The following ZFP14 variants were observed in gnomAD, a reference collection of about 807,000 sequenced individuals.
The protein encoded by ZFP14 is zinc finger protein 14 homolog.
ZFP14 carries 22 observed loss-of-function variants against 54.5 expected under a neutral mutation model. That is an observed-to-expected ratio of 0.40 (90% CI 0.29 to 0.58). The LOEUF is 0.58. Ranked by LOEUF, ZFP14 falls within the 20% of genes least tolerant of loss-of-function variation. ZFP14 has a pLI of 0.39. For synonymous variants in ZFP14, 159 were observed against 204.0 expected, an observed-to-expected ratio of 0.78 and a Z score of 1.88; for missense variants, 470 against 637.8, an observed-to-expected ratio of 0.74 and a Z score of 2.83.
chr19:36,358,293 T>C (rs1262561412), intron 4 of ZFP14, among the ~76,000 whole-genome samples: 1 of 151,842 alleles, frequency 6.6e-6, no homozygotes, highest in Non-Finnish European at 1.5e-5. Context: ...GTATTTTTAG[T>C]AGAGACGGGG....
At chr19:36,345,402 T>C (rs574453395) in intron 4 of ZFP14, among the ~76,000 whole-genome samples, 18 of 152,224 alleles carry the variant, frequency 1.2e-4, no homozygotes, top group African/African-American at 4.1e-4. Flanking sequence ...CAAAAGGTCA[T>C]GGTAAATGTC....
At chr19:36,371,579 T>G (rs748410367) in intron 1 of ZFP14, among the ~76,000 whole-genome samples, 1 of 151,964 alleles carries the variant, frequency 6.6e-6, no homozygotes, top group Non-Finnish European at 1.5e-5. Context: ...GTTTATAGGA[T>G]TCATGGGACA....
intron 4 of ZFP14, among the ~76,000 whole-genome samples, chr19:36,345,344 T>C (rs534646518): frequency 1.1e-3 from 173 of 152,296 alleles, no homozygotes; most frequent in African/African-American, 3.9e-3. Context: ...GCAACTAAAG[T>C]ATTTTTTTTC....
rs2145533404 is a variant in ZFP14, at chr19:36,335,761, T to C, written c.*4463A>G. 6.6e-6 allele frequency: 1 copy of C among 152,210 alleles called. No homozygotes were observed. The highest frequency in any genetic ancestry group is 2.1e-4 in the South Asian group (1 of 4,804). The allele number at this position is 152,210 out of a possible 1,614,324, so 9.4% of individuals were successfully genotyped here. On this transcript the variant is annotated 3_prime_UTR_variant, in exon 5 of 5. Transcript: ENST00000270001. ...TTATGTTTATTATTTTTGAGACAGG[T>C]TCTCACTCTGTCACCCAGGCTGGAG...
rs2967503 is a variant in ZFP14, at chr19:36,338,072, G to T, written c.*2152C>A. 56,895 of 151,956 alleles carry T rather than the reference G, an allele frequency of 0.37. 10,625 individuals carry two copies. Among genetic ancestry groups the T allele is most frequent in the Admixed American group, 0.42 (6,459 of 15,280 alleles). 9.4% of individuals were successfully genotyped at this position (151,956 alleles called of 1,614,324 possible). On this transcript the variant is annotated 3_prime_UTR_variant, in exon 5 of 5. Coordinates refer to ENST00000270001, the MANE Select transcript of ZFP14 (RefSeq NM_020917.3). ...GCTGGAGTGCAGTGGCACGATCTCA[G>T]CTCACTGCAAACTCTGCCTCTTGGG... is the stretch of plus-strand genomic sequence containing the variant.
chr19:36,368,166 G>A (rs1162668327), intron 1 of ZFP14, among the ~76,000 whole-genome samples, 195 bp from the exon 2 acceptor site: 1 of 152,052 alleles, frequency 6.6e-6, no homozygotes, highest in Non-Finnish European at 1.5e-5. Flanking sequence ...AGTATAGGGA[G>A]TCTAAAGAGA....
At chr19:36,359,722 T>C (rs1051230018) in intron 4 of ZFP14, among the ~76,000 whole-genome samples, 9 of 152,136 alleles carry the variant, frequency 5.9e-5, no homozygotes, top group African/African-American at 2.2e-4. Flanking sequence ...TGGCGTGATC[T>C]TGGCTCACTG....
rs2031319539 is a variant in ZFP14 at position 36,341,715 on chromosome 19, G to C, written c.236-125C>G. The C allele has an allele frequency of 1.2e-6, 1 of 840,810 alleles. No individual in the cohort carries two copies. The allele number at this position is 840,810 out of a possible 1,614,324, so 52.1% of individuals were successfully genotyped here. ...AATAATGCCTGTTACAAATTGAATG[G>C]ATTAGACAGATCTCAAACATAGACA... On this transcript the variant is annotated intron_variant, in intron 4 of 4. Coordinates refer to ENST00000270001, the MANE Select transcript of ZFP14 (RefSeq NM_020917.3). This position sits in a 1 kb window ranked among gnomAD's most constrained non-coding sequence, Gnocchi z 4.2.
chr19:36,340,696 A>G lies in ZFP14; in HGVS notation c.1130T>C (p.Phe377Ser). 1 of 1,613,950 alleles carries G rather than the reference A, an allele frequency of 6.2e-7. No individual in the cohort carries two copies. The highest frequency in any genetic ancestry group is 8.5e-7 in the Non-Finnish European group (1 of 1,179,904). The change falls in exon 5 of 5, where the codon TTT becomes TCT. Residue 377 changes from phenylalanine to serine, a missense_variant. By Grantham distance (155) the Phe-to-Ser change is radical. Coordinates refer to ENST00000270001, the MANE Select transcript of ZFP14 (RefSeq NM_020917.3). This position sits in a 1 kb window ranked among gnomAD's most constrained non-coding sequence, Gnocchi z 5.4. ...GCGAACTAGTTGTTGTCTTAATCTA[A>G]AAGTCTTCCCACATTCCTTACATTC... ...PYECKECGKT[F>S]RLRQQLVRHQ...
intron 4 of ZFP14, among the ~76,000 whole-genome samples, chr19:36,346,079 GC>G (rs1184772029): frequency 3.9e-5 from 6 of 152,124 alleles, no homozygotes; most frequent in African/African-American, 1.4e-4. Context: ...GATTGCTTGA[GC>G]CCAGGAGTTC....
At chr19:36,365,803 T>C (rs2145559089) in intron 2 of ZFP14, among the ~76,000 whole-genome samples, 1 of 151,710 alleles carries the variant, frequency 6.6e-6, no homozygotes, top group South Asian at 2.1e-4. Context: ...TACAAAAAAT[T>C]TTAAAAATTA....
At chr19:36,364,909 G>A (rs536498176) in intron 2 of ZFP14, among the ~76,000 whole-genome samples, 1 of 150,922 alleles carries the variant, frequency 6.6e-6, no homozygotes, top group South Asian at 2.1e-4. Flanking sequence ...CGATTAACCA[G>A]GTACCTATTT....
rs766212019 is a variant in ZFP14 at position 36,340,825 on chromosome 19, T to G, written c.1001A>C (p.His334Pro). 6.2e-7 allele frequency: 1 copy of G among 1,614,096 alleles called. No individual in the cohort carries two copies. The highest frequency in any genetic ancestry group is 1.7e-5 in the Admixed American group (1 of 60,014). The change falls in exon 5 of 5, where the codon CAT becomes CCT. Residue 334 changes from histidine (H) to proline (P), a missense_variant. By Grantham distance (77) the His-to-Pro change is moderately conservative (BLOSUM62 -2). Coordinates refer to ENST00000270001, the MANE Select transcript of ZFP14 (RefSeq NM_020917.3). The surrounding 1 kb of genome is among the most constrained non-coding windows in gnomAD (Gnocchi z 5.4). The stretch of plus-strand genomic sequence containing the variant: ...ACATTCATAGGGTTTCTCACCAAAA[T>G]GAATTTTCTGATGTACTCTAAGGTC... Reference protein sequence around the residue: ...GPDLRVHQKIHFGEKPYECKE... With the variant: ...GPDLRVHQKIPFGEKPYECKE...
intron 2 of ZFP14, 76 bp downstream of exon 2, chr19:36,367,808 A>C: frequency 2.0e-6 from 3 of 1,522,178 alleles, no homozygotes; most frequent in Non-Finnish European, 2.7e-6. Flanking sequence ...AGGAAGTTTC[A>C]GAATAAAGAA....
rs1373334204 is a variant in ZFP14 at position 36,334,909 on chromosome 19, T to C, written c.*5315A>G. 1.3e-5 allele frequency: 2 copies of C among 152,182 alleles called. No homozygotes were observed. Among genetic ancestry groups the C allele is most frequent in the Admixed American group, 6.5e-5 (1 of 15,282 alleles). The allele number at this position is 152,182 out of a possible 1,614,324, so 9.4% of individuals were successfully genotyped here. On this transcript the variant is annotated 3_prime_UTR_variant, in exon 5 of 5. Transcript: ENST00000270001. ...TTTTATTTGAGACTGAGTTTCACTC[T>C]TGTTGCCCAGGTTGGAGTGCAATGG... is the stretch of plus-strand genomic sequence containing the variant.
intron 4 of ZFP14, among the ~76,000 whole-genome samples, chr19:36,352,825 C>A (rs1366538680): frequency 7.1e-6 from 1 of 141,688 alleles, no homozygotes; most frequent in Non-Finnish European, 1.6e-5. Flanking sequence ...CCTGTAGTCC[C>A]AGCTACTTGG....
intron 4 of ZFP14, among the ~76,000 whole-genome samples, chr19:36,345,400 C>A (rs900856380): frequency 3.9e-5 from 6 of 152,048 alleles, no homozygotes; most frequent in African/African-American, 1.2e-4. Context: ...AGCAAAAGGT[C>A]ATGGTAAATG....
chr19:36,363,138 T>C lies in ZFP14; in HGVS notation c.10-900A>G, dbSNP rs1249062777. Among the ~76,000 whole-genome samples, 4 of 151,786 alleles carry C rather than the reference T, an allele frequency of 2.6e-5. No individual in the cohort carries two copies. In the East Asian group the frequency reaches 5.8e-4, roughly 22 times the overall value. On this transcript the variant is annotated intron_variant, in intron 2 of 4. Transcript: ENST00000270001. ...GTTACAGGACACTGAATCATGAAGA[T>C]ATCATAAAGATATCACCTGGACACC...
At chr19:36,366,063 G>A (rs1357540828) in intron 2 of ZFP14, among the ~76,000 whole-genome samples, 4 of 151,566 alleles carry the variant, frequency 2.6e-5, no homozygotes, top group African/African-American at 7.3e-5. Context: ...TCAGGAGTTT[G>A]AGACCAGCCT....
Sources: gnomAD v4.1 joint callset for allele counts (sites outside exome capture counted in the v4.1 genomes callset) on GRCh38, gnomAD v4.1.1 for gene constraint, Gnocchi (gnomAD v3.1) non-coding constraint, MANE v1.5 for transcripts, NCBI Gene and HGNC (gene_info 2026-07-23, HGNC 2026-07-21) for gene names.